The following MORN1 variants were observed in gnomAD, a reference collection of about 807,000 sequenced individuals.
MORN1 encodes MORN repeat-containing protein 1.
MORN1 carries 67 observed loss-of-function variants against 61.9 expected under a neutral mutation model. The ratio of observed to expected loss-of-function variants is 1.08; its 90% CI spans 0.89 to 1.33. MORN1 has a LOEUF of 1.33. Among genes scored for constraint, MORN1 ranks in the 40% most tolerant of loss-of-function variants. MORN1 has a pLI of 0.00. For synonymous variants in MORN1, 301 were observed against 292.0 expected (o/e 1.03, Z -0.31); for missense variants, 752 against 691.2 (o/e 1.09, Z -0.99).
intron 10 of MORN1, chr1:2,355,040 A>C: frequency 2.3e-6 from 1 of 433,884 alleles, no homozygotes; most frequent in Non-Finnish European, 3.1e-6. Context: ...GAGGCCCCCC[A>C]GGTAGGATCC....
At chr1:2,359,034 C>G (rs1233404281) in intron 8 of MORN1, among the ~76,000 whole-genome samples, 1 of 152,168 alleles carries the variant, frequency 6.6e-6, no homozygotes, top group Non-Finnish European at 1.5e-5. Flanking sequence ...ACCCCTGGCT[C>G]CACCCCTGCC....
chr1:2,339,201 A>T (rs1021928416), intron 10 of MORN1, among the ~76,000 whole-genome samples: 1 of 152,148 alleles, frequency 6.6e-6, no homozygotes, highest in South Asian at 2.1e-4. Flanking sequence ...TTGGCCTCAG[A>T]GGAGCCTTCT....
In MORN1 at chr1:2,374,489, ATAATAGG is replaced by A. The variant is rs1642191498; in HGVS notation, c.599_605del (p.Thr200MetfsTer17). On this transcript the variant is annotated frameshift_variant, in exon 7 of 14. Transcript: ENST00000378531. LOFTEE classifies it high-confidence loss of function. ...CTGGGTGGCCATTGATCCACAACCC[ATAATAGG>A]TGACCCCTGAGCAGTGGGCCATGCT... is the stretch of plus-strand genomic sequence containing the variant. 1 of 1,602,414 alleles carries A rather than the reference ATAATAGG, an allele frequency of 6.2e-7. No homozygotes were observed. The highest frequency in any genetic ancestry group is 8.5e-7 in the Non-Finnish European group (1 of 1,175,270).
At chr1:2,382,797 C>T (rs542859948) in intron 6 of MORN1, among the ~76,000 whole-genome samples, 14 of 152,338 alleles carry the variant, frequency 9.2e-5, no homozygotes, top group Admixed American at 1.3e-4. Flanking sequence ...GCAGCAACGA[C>T]GCTGACATGG....
intron 10 of MORN1, chr1:2,351,297 G>A (rs1014654559): frequency 1.3e-5 from 2 of 153,008 alleles, no homozygotes; most frequent in African/African-American, 2.4e-5. Flanking sequence ...TGGAAATGGA[G>A]GGTGAGACTA....
At position 2,357,308 on chromosome 1, in the gene MORN1, T is replaced by C. The variant is rs2645086; in HGVS notation, c.1036+124A>G. On this transcript the variant is annotated intron_variant, in intron 10 of 13. Transcript: ENST00000378531. The surrounding 1 kb of genome is among the most constrained non-coding windows in gnomAD (Gnocchi z 6.3). ...CCTGCCTCCTTTCACCCACGCGTGA[T>C]GACTGACCCTGGGTGCGGCTTGCTC... is the stretch of plus-strand genomic sequence containing the variant. 0.45 allele frequency: 481,084 copies of C among 1,077,414 alleles called. 112,585 individuals carry two copies. Among genetic ancestry groups the C allele is most frequent in the African/African-American group, 0.78 (48,755 of 62,742 alleles). 66.7% of individuals were successfully genotyped at this position (1,077,414 alleles called of 1,614,324 possible).
At position 2,337,302 on chromosome 1, in the gene MORN1, A is replaced by T. The variant is rs1641302251; in HGVS notation, c.1037-452T>A. Among the ~76,000 whole-genome samples the T allele has an allele frequency of 6.6e-6, 1 of 152,158 alleles. No individual in the cohort carries two copies. ...GGTTCTGCCCCAGCGGCCCATCAAGATGGACCTGGCGTCAGGACCCGTTCT... is the reference window on the plus strand; with the variant it reads ...GGTTCTGCCCCAGCGGCCCATCAAGTTGGACCTGGCGTCAGGACCCGTTCT... On this transcript the variant is annotated intron_variant, in intron 10 of 13. Coordinates refer to ENST00000378531, the MANE Select transcript of MORN1 (RefSeq NM_024848.3). The surrounding 1 kb of genome is among the most constrained non-coding windows in gnomAD (Gnocchi z 5.7).
chr1:2,335,275 G>C (rs2643900), intron 12 of MORN1, among the ~76,000 whole-genome samples: 33,109 of 152,030 alleles, frequency 0.22, 3,872 homozygotes, highest in African/African-American at 0.3. Context: ...AGCTCCACCG[G>C]TGGGCCTGTG....
chr1:2,332,827 C>G, intron 12 of MORN1: 1 of 426,880 alleles, frequency 2.3e-6, no homozygotes, highest in Non-Finnish European at 4.8e-6. Context: ...GAAGCCGGAG[C>G]CAGGACCCCA....
rs763457011 is a variant in MORN1 at position 2,372,904 on chromosome 1, C to T, written c.635-313G>A. On this transcript the variant is annotated intron_variant, in intron 7 of 13. Transcript: ENST00000378531. The surrounding 1 kb of genome is among the most constrained non-coding windows in gnomAD (Gnocchi z 5.4). ...TGTGGGGCTGTTGGGTTTTCCTGCC[C>T]GTGGAATGTTCCCGCACGTCTTCCC... 1.4e-4 allele frequency among the ~76,000 whole-genome samples: 22 copies of T among 152,244 alleles called. No individual in the cohort carries two copies. The highest frequency in any genetic ancestry group is 2.6e-4 in the Non-Finnish European group (18 of 68,038).
chr1:2,321,586 G>C lies in MORN1; in HGVS notation c.1298-7C>G. On this transcript the variant is annotated splice_polypyrimidine_tract_variant and splice_region_variant and intron_variant, in intron 13 of 13. Coordinates refer to ENST00000378531, the MANE Select transcript of MORN1 (RefSeq NM_024848.3). ...ATCATGAGCACGTACTCCCCTGCAA[G>C]GGGCGGGTGGGCTGGTCCTCAGCAG... 1 of 1,472,402 alleles carries C rather than the reference G, an allele frequency of 6.8e-7. No homozygotes were observed. Among genetic ancestry groups the C allele is most frequent in the African/African-American group, 1.4e-5 (1 of 70,146 alleles). The allele number at this position is 1,472,402 out of a possible 1,614,324, so 91.2% of individuals were successfully genotyped here.
chr1:2,380,969 G>C (rs866881555), intron 6 of MORN1, among the ~76,000 whole-genome samples: 15 of 152,276 alleles, frequency 9.9e-5, no homozygotes, highest in African/African-American at 3.6e-4. Flanking sequence ...CGTCTCTGGC[G>C]GCTGCTGCCT....
intron 6 of MORN1, among the ~76,000 whole-genome samples, chr1:2,379,929 C>T (rs1482121118): frequency 6.6e-6 from 1 of 152,166 alleles, no homozygotes; most frequent in East Asian, 1.9e-4. Flanking sequence ...CTCTGTGCAG[C>T]CGTATTCACA....
chr1:2,360,388 C>T (rs766012883), intron 8 of MORN1, among the ~76,000 whole-genome samples: 9 of 152,160 alleles, frequency 5.9e-5, no homozygotes, highest in Admixed American at 1.3e-4. Context: ...ATCAGGATCC[C>T]GGACACCAGG....
chr1:2,328,083 T>G (rs1044990888), intron 12 of MORN1, among the ~76,000 whole-genome samples: 2 of 152,246 alleles, frequency 1.3e-5, no homozygotes, highest in South Asian at 2.1e-4. Flanking sequence ...TCTGGCAGCC[T>G]GTGGCCCTTG....
intron 10 of MORN1, among the ~76,000 whole-genome samples, chr1:2,353,500 T>C (rs951059133): frequency 1.3e-5 from 2 of 152,184 alleles, no homozygotes; most frequent in Admixed American, 1.3e-4. Flanking sequence ...TGCTGGTGGG[T>C]CCAGGTAGAC....
chr1:2,367,721 G>T (rs1642027667), intron 8 of MORN1, among the ~76,000 whole-genome samples: 1 of 151,970 alleles, frequency 6.6e-6, no homozygotes. Flanking sequence ...CTGCCTCCTG[G>T]GTTCAAGCAA....
intron 12 of MORN1, among the ~76,000 whole-genome samples, chr1:2,324,468 G>T (rs1357101859): frequency 2.0e-5 from 3 of 152,230 alleles, no homozygotes; most frequent in Non-Finnish European, 2.9e-5. Flanking sequence ...GCCTCCCAGG[G>T]TGCAACTGAG....
intron 8 of MORN1, among the ~76,000 whole-genome samples, chr1:2,359,210 C>T (rs762939267): frequency 1.3e-5 from 2 of 152,142 alleles, no homozygotes; most frequent in Non-Finnish European, 2.9e-5. Flanking sequence ...TGGCAGATAG[C>T]AGGCTCTCCG....
Sources: gnomAD v4.1 joint callset for allele counts (sites outside exome capture counted in the v4.1 genomes callset) on GRCh38, gnomAD v4.1.1 for gene constraint, Gnocchi (gnomAD v3.1) non-coding constraint, MANE v1.5 for transcripts, NCBI Gene and HGNC (gene_info 2026-07-23, HGNC 2026-07-21) for gene names.